THADA: variants seen among roughly 807,000 people sequenced by gnomAD.
THADA encodes the protein tRNA (32-2'-O)-methyltransferase regulator THADA.
A neutral mutation model predicts 219.8 loss-of-function variants in THADA; 213 were observed. The ratio of observed to expected loss-of-function variants is 0.97; its 90% CI spans 0.87 to 1.09. The LOEUF (loss-of-function observed/expected upper bound fraction) is 1.09, where lower values mean the gene tolerates loss of function less well. THADA is among the 50% of genes least tolerant of loss of function. The pLI, the probability that THADA is intolerant of heterozygous loss-of-function variation, is 0.00. For missense variants in THADA, 2,956 were observed against 2,311.3 expected, an observed-to-expected ratio of 1.28 and a Z score of -5.72; for synonymous variants, 1,018 against 828.9, an observed-to-expected ratio of 1.23 and a Z score of -3.92.
At chr2:43,408,634 T>C (rs1008101385) in intron 28 of THADA, among the ~76,000 whole-genome samples, 4 of 152,006 alleles carry the variant, frequency 2.6e-5, no homozygotes, top group African/African-American at 9.7e-5. Flanking sequence ...AATATGAGTA[T>C]CTAACAATGT....
intron 26 of THADA, among the ~76,000 whole-genome samples, chr2:43,442,175 C>A (rs1425116467): frequency 6.6e-6 from 1 of 152,140 alleles, no homozygotes; most frequent in Non-Finnish European, 1.5e-5. Flanking sequence ...GTAGCTCAAA[C>A]CTGTAATCCC....
intron 37 of THADA, 51 bp downstream of exon 37, chr2:43,232,662 G>A: frequency 6.3e-7 from 1 of 1,594,800 alleles, no homozygotes; most frequent in Non-Finnish European, 8.6e-7. Flanking sequence ...CATCTAGCGG[G>A]TTTAGGACAC....
At chr2:43,332,836 A>AT (rs1170060657) in intron 30 of THADA, among the ~76,000 whole-genome samples, 1 of 152,188 alleles carries the variant, frequency 6.6e-6, no homozygotes. Context: ...AGGTTTGCAG[A>AT]TTTCTATATT....
At chr2:43,462,096 C>G (rs1325642158) in intron 26 of THADA, among the ~76,000 whole-genome samples, 1 of 152,180 alleles carries the variant, frequency 6.6e-6, no homozygotes, top group East Asian at 1.9e-4. Flanking sequence ...GCATTTTATA[C>G]TTTGTTGATT....
chr2:43,586,723 C>T lies in THADA; in HGVS notation c.463G>A (p.Val155Ile). The T allele has an allele frequency of 6.2e-7, 1 of 1,612,268 alleles. No individual in the cohort carries two copies. Among genetic ancestry groups the T allele is most frequent in the Non-Finnish European group, 8.5e-7 (1 of 1,179,520 alleles). The change falls in exon 6 of 38, where the codon GTT becomes ATT. Residue 155 changes from valine to isoleucine, a missense_variant. Physicochemically the swap from Val to Ile is conservative, Grantham distance 29. Coordinates refer to ENST00000405975, the MANE Select transcript of THADA (RefSeq NM_022065.5). The part of the protein sequence containing the change: ...MENFNLGRAS[V>I]NNLLKNVLHF... Reference sequence around the variant, plus strand: ...TTACCATTTTTAAGCAGATTATTAACACTTGCTCTACCTGTAGAGGAAAAA... The same window carrying T: ...TTACCATTTTTAAGCAGATTATTAATACTTGCTCTACCTGTAGAGGAAAAA...
rs150355949 is a variant in THADA at position 43,380,422 on chromosome 2, A to G, written c.4227+17549T>C. Among the ~76,000 whole-genome samples, 270 of 152,360 alleles carry G rather than the reference A, an allele frequency of 1.8e-3. 1 individual carries two copies. The highest frequency in any genetic ancestry group is 6.2e-3 in the African/African-American group (256 of 41,586). On this transcript the variant is annotated intron_variant, in intron 29 of 37. Transcript: ENST00000405975. ...GAAATAAATAAATGAGTAGTAGATGACAGGAGCTAGGTTTCTCACTGTTGG... is the reference window on the plus strand; with the variant it reads ...GAAATAAATAAATGAGTAGTAGATGGCAGGAGCTAGGTTTCTCACTGTTGG...
intron 26 of THADA, among the ~76,000 whole-genome samples, chr2:43,456,872 T>A (rs1259503120): frequency 6.6e-6 from 1 of 152,142 alleles, no homozygotes; most frequent in African/African-American, 2.4e-5. Flanking sequence ...CCAGAGAACA[T>A]AACTCACTTT....
At chr2:43,420,849 T>C (rs529136767) in intron 28 of THADA, among the ~76,000 whole-genome samples, 2 of 152,350 alleles carry the variant, frequency 1.3e-5, no homozygotes, top group South Asian at 2.1e-4. Context: ...TACTACATGC[T>C]GAACCTCAGC....
At chr2:43,443,398 T>C (rs1415861302) in intron 26 of THADA, among the ~76,000 whole-genome samples, 1 of 152,234 alleles carries the variant, frequency 6.6e-6, no homozygotes, top group Non-Finnish European at 1.5e-5. Flanking sequence ...GAGCTTGAAA[T>C]GTTCTTAAAC....
At chr2:43,501,584 A>G (rs1264550544) in intron 24 of THADA, among the ~76,000 whole-genome samples, 1 of 152,170 alleles carries the variant, frequency 6.6e-6, no homozygotes, top group African/African-American at 2.4e-5. Context: ...TTCTGAAGGG[A>G]AAACAAAAAA....
intron 29 of THADA, among the ~76,000 whole-genome samples, chr2:43,366,907 A>G (rs1375026003): frequency 6.6e-6 from 1 of 152,244 alleles, no homozygotes; most frequent in Non-Finnish European, 1.5e-5. Context: ...AATGTACAGC[A>G]GCATTATTCA....
chr2:43,586,394 C>T lies in THADA; in HGVS notation c.533+7G>A, dbSNP rs201738846. On this transcript the variant is annotated splice_region_variant and intron_variant, in intron 7 of 37. Coordinates refer to ENST00000405975, the MANE Select transcript of THADA (RefSeq NM_022065.5). ...TGCACACACAAATGCCAACATATAGCACTTGCCTATTTTCTTCCAGGATTT... is the reference window on the plus strand; with the variant it reads ...TGCACACACAAATGCCAACATATAGTACTTGCCTATTTTCTTCCAGGATTT... The T allele has an allele frequency of 1.1e-4, 176 of 1,580,058 alleles. 3 individuals are homozygous for T. The East Asian group carries it at 3.4e-3, about 30-fold the overall frequency.
At chr2:43,447,758 C>G (rs568885363) in intron 26 of THADA, among the ~76,000 whole-genome samples, 1 of 152,288 alleles carries the variant, frequency 6.6e-6, no homozygotes, top group South Asian at 2.1e-4. Context: ...TACCTAGTAG[C>G]TGCTGAAACG....
intron 29 of THADA, among the ~76,000 whole-genome samples, chr2:43,379,200 G>C (rs1461718849): frequency 6.6e-6 from 1 of 152,014 alleles, no homozygotes; most frequent in Non-Finnish European, 1.5e-5. Flanking sequence ...CTTCTGGAGA[G>C]GAGAAAATAA....
intron 26 of THADA, among the ~76,000 whole-genome samples, chr2:43,459,064 C>G (rs958180431): frequency 2.0e-5 from 3 of 152,160 alleles, no homozygotes; most frequent in Admixed American, 2.0e-4. Flanking sequence ...TTGAGCACAA[C>G]TTTCCAATCC....
intron 36 of THADA, among the ~76,000 whole-genome samples, chr2:43,259,711 T>G (rs954007085): frequency 3.3e-5 from 5 of 152,222 alleles, no homozygotes; most frequent in African/African-American, 1.2e-4. Context: ...GTGGAGGTAT[T>G]AACATTTACT....
intron 26 of THADA, among the ~76,000 whole-genome samples, chr2:43,475,743 T>C (rs1054662140): frequency 6.6e-6 from 1 of 152,260 alleles, no homozygotes; most frequent in Non-Finnish European, 1.5e-5. Flanking sequence ...ATTTTTATAA[T>C]GCAAGCTGCT....
At chr2:43,331,070 TG>T (rs772798580) in intron 30 of THADA, among the ~76,000 whole-genome samples, 2 of 152,160 alleles carry the variant, frequency 1.3e-5, no homozygotes, top group Non-Finnish European at 2.9e-5. Context: ...GCCATGCAGG[TG>T]GGTCTCCGGG....
In THADA at chr2:43,452,107, A is replaced by G. The variant is rs1016007326; in HGVS notation, c.3837-21805T>C. 3.3e-5 allele frequency among the ~76,000 whole-genome samples: 5 copies of G among 151,964 alleles called. No homozygotes were observed. The East Asian group carries it at 5.9e-4, about 18-fold the overall frequency. On this transcript the variant is annotated intron_variant, in intron 26 of 37. Transcript: ENST00000405975. The stretch of plus-strand genomic sequence containing the variant: ...TGGTGACAGAGCGAGACTCCATCTC[A>G]GAAAGAAAGAAAGAAAAAAGAAATT...
Sources: allele counts gnomAD v4.1 joint callset (sites outside exome capture counted in the v4.1 genomes callset), GRCh38; gene constraint gnomAD v4.1.1; transcripts MANE v1.5; gene names NCBI Gene and HGNC (gene_info 2026-07-23, HGNC 2026-07-21).